Variants in MAP3K20 observed in about 807,000 individuals in gnomAD.
MAP3K20 encodes mitogen-activated protein kinase kinase kinase 20, also known as HCCS-4.
MAP3K20 carries 40 observed loss-of-function variants against 85.7 expected under a neutral mutation model. The ratio of observed to expected loss-of-function variants is 0.47; its 90% CI spans 0.36 to 0.61. The LOEUF is 0.61. Among genes scored for constraint, MAP3K20 ranks in the 20% least tolerant of loss-of-function variants. The pLI, the probability that MAP3K20 is intolerant of heterozygous loss-of-function variation, is 0.00. For synonymous variants in MAP3K20, 325 were observed against 327.7 expected, an observed-to-expected ratio of 0.99 and a Z score of 0.09; for missense variants, 817 against 961.7, an observed-to-expected ratio of 0.85 and a Z score of 1.99.
chr2:173,157,569 C>T (rs912756658), intron 2 of MAP3K20, among the ~76,000 whole-genome samples: 1 of 152,152 alleles, frequency 6.6e-6, no homozygotes, highest in Non-Finnish European at 1.5e-5. Context: ...ATAAATATGG[C>T]AAACATTTCT....
At chr2:173,191,735 T>C (rs965218185) in intron 7 of MAP3K20, among the ~76,000 whole-genome samples, 1 of 152,194 alleles carries the variant, frequency 6.6e-6, no homozygotes, top group African/African-American at 2.4e-5. Context: ...GCAGTGACTA[T>C]CTGAAGCGTG....
intron 3 of MAP3K20, among the ~76,000 whole-genome samples, chr2:173,178,213 CAGA>C (rs1476937730): frequency 6.6e-6 from 1 of 152,074 alleles, no homozygotes; most frequent in Non-Finnish European, 1.5e-5. Context: ...ATGGCTCCTG[CAGA>C]AGTTTATAAG....
intron 18 of MAP3K20, 21 bp from the exon 19 acceptor site, chr2:173,263,724 T>C (rs757943460): frequency 1.3e-6 from 2 of 1,599,220 alleles, no homozygotes; most frequent in African/African-American, 2.7e-5. Context: ...TTTTGTCTTT[T>C]TCGTTTGTTT....
At chr2:173,092,754 G>A (rs1687336291) in intron 2 of MAP3K20, among the ~76,000 whole-genome samples, 1 of 152,112 alleles carries the variant, frequency 6.6e-6, no homozygotes, top group Non-Finnish European at 1.5e-5. Flanking sequence ...GATTTTGATA[G>A]GAAAATATTA....
At chr2:173,146,112 A>G (rs553624922) in intron 2 of MAP3K20, among the ~76,000 whole-genome samples, 60 of 152,308 alleles carry the variant, frequency 3.9e-4, no homozygotes, top group African/African-American at 1.4e-3. Flanking sequence ...ATCTTGATTA[A>G]GGTCATACAT....
At chr2:173,123,683 G>A (rs1315139303) in intron 2 of MAP3K20, among the ~76,000 whole-genome samples, 1 of 152,108 alleles carries the variant, frequency 6.6e-6, no homozygotes, top group Non-Finnish European at 1.5e-5. Context: ...CCAGGTTTCA[G>A]GTCCCATTCT....
At chr2:173,249,915 T>C (rs565766876) in intron 16 of MAP3K20, among the ~76,000 whole-genome samples, 1 of 152,276 alleles carries the variant, frequency 6.6e-6, no homozygotes, top group Non-Finnish European at 1.5e-5. Flanking sequence ...TTTAACATCA[T>C]CCTTAAAGCC....
chr2:173,173,442 G>C (rs1014926611), intron 3 of MAP3K20, among the ~76,000 whole-genome samples: 2 of 152,232 alleles, frequency 1.3e-5, no homozygotes, highest in South Asian at 4.1e-4. Context: ...GATCTCTTAA[G>C]TTACCTGTTC....
Position 173,100,033 on chromosome 2 carries a change from A to G in MAP3K20, c.159+8843A>G, listed in dbSNP as rs541587375. Among the ~76,000 whole-genome samples, 9 of 152,358 alleles carry G rather than the reference A, an allele frequency of 5.9e-5. No homozygotes were observed. The East Asian group carries it at 1.5e-3, about 26-fold the overall frequency. ...GATGTCATCTTTTGTGAAAATGTTA[A>G]TTAGCTGATATCTAGGCCTCATGCT... On this transcript the variant is annotated intron_variant, in intron 2 of 19. Transcript: ENST00000375213.
At chr2:173,250,385 G>A (rs1432276819) in intron 16 of MAP3K20, among the ~76,000 whole-genome samples, 4 of 152,180 alleles carry the variant, frequency 2.6e-5, no homozygotes, top group Admixed American at 6.5e-5. Context: ...CAGGGAGAAG[G>A]AAATAGGAGG....
At chr2:173,233,952 C>A (rs892989210) in intron 14 of MAP3K20, among the ~76,000 whole-genome samples, 5 of 152,288 alleles carry the variant, frequency 3.3e-5, no homozygotes, top group East Asian at 3.9e-4. Flanking sequence ...TCATGCATAG[C>A]GTATTTCCCA....
At chr2:173,221,801 G>T in intron 11 of MAP3K20, 1 of 1,093,452 alleles carries the variant, frequency 9.1e-7, no homozygotes, top group Non-Finnish European at 1.1e-6. Context: ...TACAATATAG[G>T]ACTTTTAAAG....
At chr2:173,129,163 G>A (rs576156177) in intron 2 of MAP3K20, among the ~76,000 whole-genome samples, 19 of 152,032 alleles carry the variant, frequency 1.2e-4, no homozygotes, top group Middle Eastern at 3.4e-3. Flanking sequence ...TCGTGACCTC[G>A]TGATCTGCCC....
chr2:173,258,746 A>T lies in MAP3K20; in HGVS notation c.1407A>T (p.Ala469=). 6.2e-7 allele frequency: 1 copy of T among 1,613,146 alleles called. No homozygotes were observed. Among genetic ancestry groups the T allele is most frequent in the Middle Eastern group, 1.7e-4 (1 of 6,022 alleles). ...TGGAGATGGATGGGGATGAAATTGCAATAACCTACATAAAAGATGTGACAT... is the reference window on the plus strand; with the variant it reads ...TGGAGATGGATGGGGATGAAATTGCTATAACCTACATAAAAGATGTGACAT... ...MYMEMDGDEI[A]ITYIKDVTFN... Residue 469 remains alanine, a synonymous_variant, in exon 17 of 20, where the codon GCA becomes GCT. Transcript: ENST00000375213.
intron 2 of MAP3K20, among the ~76,000 whole-genome samples, chr2:173,121,543 C>G (rs977906976): frequency 5.3e-5 from 8 of 152,068 alleles, no homozygotes; most frequent in Admixed American, 5.2e-4. Flanking sequence ...CCCGCCACCA[C>G]GCCCGGCTAA....
In MAP3K20 at chr2:173,103,343, G is replaced by A. The variant is rs144214446; in HGVS notation, c.159+12153G>A. Among the ~76,000 whole-genome samples, 312 of 152,282 alleles carry A rather than the reference G, an allele frequency of 2.0e-3. 1 individual carries two copies. The highest frequency in any genetic ancestry group is 7.2e-3 in the African/African-American group (301 of 41,552). On this transcript the variant is annotated intron_variant, in intron 2 of 19. Transcript: ENST00000375213. Reference sequence around the variant, plus strand: ...GCCAGGACACCTCTCTCAGATCAGTGAGGCTCTGTGGGAAATCCTGATTCT... The same window carrying A: ...GCCAGGACACCTCTCTCAGATCAGTAAGGCTCTGTGGGAAATCCTGATTCT...
At chr2:173,101,216 A>AT (rs547434780) in intron 2 of MAP3K20, among the ~76,000 whole-genome samples, 16 of 152,158 alleles carry the variant, frequency 1.1e-4, no homozygotes, top group Admixed American at 1.0e-3. Flanking sequence ...AACACCACTG[A>AT]TTTTTTTTAG....
chr2:173,166,804 G>A (rs1029492502), intron 2 of MAP3K20: 1 of 151,780 alleles, frequency 6.6e-6, no homozygotes, highest in South Asian at 2.1e-4. Flanking sequence ...ATTTTGATGC[G>A]CAGCTCATTT....
intron 2 of MAP3K20, among the ~76,000 whole-genome samples, chr2:173,163,243 C>T (rs1477617784): frequency 6.6e-6 from 1 of 152,024 alleles, no homozygotes; most frequent in Non-Finnish European, 1.5e-5. Context: ...AGCATAGTAC[C>T]CTATAGGTAG....
Sources: allele counts gnomAD v4.1 joint callset (sites outside exome capture counted in the v4.1 genomes callset), GRCh38; gene constraint gnomAD v4.1.1; transcripts MANE v1.5; gene names NCBI Gene and HGNC (gene_info 2026-07-23, HGNC 2026-07-21).